MAPK6: variants seen among roughly 807,000 people sequenced by gnomAD.
MAPK6 encodes the protein mitogen-activated protein kinase 6.
MAPK6 carries 19 observed loss-of-function variants against 59.3 expected under a neutral mutation model. The observed-to-expected ratio is 0.32, with a 90% CI of 0.22 to 0.47. The LOEUF is 0.47. Among genes scored for constraint, MAPK6 ranks in the 20% least tolerant of loss-of-function variants. The pLI is 1.00. For synonymous variants in MAPK6, 316 were observed against 290.3 expected, an observed-to-expected ratio of 1.09 and a Z score of -0.90; for missense variants, 724 against 847.9, an observed-to-expected ratio of 0.85 and a Z score of 1.81.
chr15:52,012,947 A>ACTATACTC (rs2030094596), intron 3 of MAPK6, among the ~76,000 whole-genome samples: 1 of 141,920 alleles, frequency 7.0e-6, no homozygotes, highest in Non-Finnish European at 1.5e-5. Context: ...AGATTGTGCC[A>ACTATACTC]CTATACTCCA....
At chr15:52,060,221 C>T (rs564163937) in intron 4 of MAPK6, among the ~76,000 whole-genome samples, 1 of 152,186 alleles carries the variant, frequency 6.6e-6, no homozygotes, top group South Asian at 2.1e-4. Context: ...CCTGGGCAAC[C>T]GCAAAGATGC....
chr15:52,048,595 C>G (rs1268217878), intron 2 of MAPK6, among the ~76,000 whole-genome samples: 1 of 152,086 alleles, frequency 6.6e-6, no homozygotes, highest in Non-Finnish European at 1.5e-5. Flanking sequence ...GCAACAGGAG[C>G]AAAACTCCAT....
intron 5 of MAPK6, among the ~76,000 whole-genome samples, chr15:52,062,988 G>A (rs2032264318): frequency 6.6e-6 from 1 of 152,132 alleles, no homozygotes; most frequent in Non-Finnish European, 1.5e-5. Context: ...CTCCTCAAAT[G>A]TTGATGTATT....
intron 2 of MAPK6, among the ~76,000 whole-genome samples, chr15:51,995,843 G>A (rs928628947): frequency 2.6e-5 from 4 of 151,978 alleles, no homozygotes; most frequent in Non-Finnish European, 5.9e-5. Context: ...CAGGAGAATC[G>A]CTTAAACCCG....
chr15:52,026,031 G>A (rs1358389641), intron 1 of MAPK6, among the ~76,000 whole-genome samples: 1 of 152,154 alleles, frequency 6.6e-6, no homozygotes, highest in African/African-American at 2.4e-5. Context: ...ATACATCTGT[G>A]TTCAATAAAG....
At chr15:52,032,158 G>C (rs1215319112) in intron 1 of MAPK6, among the ~76,000 whole-genome samples, 1 of 150,462 alleles carries the variant, frequency 6.6e-6, no homozygotes, top group East Asian at 2.0e-4. Flanking sequence ...ACAGGCGTGA[G>C]CCACCGTGCC....
intron 3 of MAPK6, among the ~76,000 whole-genome samples, chr15:52,055,518 TG>T (rs1178404513): frequency 3.0e-4 from 45 of 148,358 alleles, no homozygotes; most frequent in African/African-American, 1.2e-3. Context: ...AGGGTTTTTT[TG>T]TTTGTTTGTT....
chr15:52,013,932 C>T (rs1307338260), intron 3 of MAPK6, among the ~76,000 whole-genome samples: 1 of 152,026 alleles, frequency 6.6e-6, no homozygotes, highest in African/African-American at 2.4e-5. Context: ...GTGTAAAATC[C>T]AAAAGTTTTG....
intron 2 of MAPK6, among the ~76,000 whole-genome samples, chr15:52,003,425 G>A (rs1675924653): frequency 6.6e-6 from 1 of 152,108 alleles, no homozygotes; most frequent in Admixed American, 6.6e-5. Flanking sequence ...TCAGATTTGG[G>A]CAACCCAGAA....
chr15:52,029,878 A>C lies in MAPK6; in HGVS notation c.-632+10502A>C, dbSNP rs1318524414. Among the ~76,000 whole-genome samples the C allele has an allele frequency of 2.0e-5, 3 of 152,348 alleles. No homozygotes were observed. The East Asian group carries it at 5.8e-4, about 29-fold the overall frequency. On this transcript the variant is annotated intron_variant, in intron 1 of 5. Coordinates refer to ENST00000261845, the MANE Select transcript of MAPK6 (RefSeq NM_002748.4). Reference sequence around the variant, plus strand: ...TTGCTTTTACTCAGCTACCTTCTTCAGACATTCTTCTCCCAGTAACAAGAA... The same window carrying C: ...TTGCTTTTACTCAGCTACCTTCTTCCGACATTCTTCTCCCAGTAACAAGAA...
At position 52,053,528 on chromosome 15, in the gene MAPK6, A is replaced by T. The variant is rs77001805; in HGVS notation, c.700+3391A>T. On this transcript the variant is annotated intron_variant, in intron 3 of 5. Coordinates refer to ENST00000261845, the MANE Select transcript of MAPK6 (RefSeq NM_002748.4). ...TCTGAATACAAATATTTTGTGATTT[A>T]CATGTATTTTCTCCTATTCTGCAGT... Among the ~76,000 whole-genome samples, 364 of 152,252 alleles carry T rather than the reference A, an allele frequency of 2.4e-3. 3 individuals are homozygous for T. Among genetic ancestry groups the T allele is most frequent in the East Asian group, 7.5e-3 (39 of 5,196 alleles).
chr15:52,019,099 C>A (rs930490493), upstream of MAPK6: 1 of 152,288 alleles, frequency 6.6e-6, no homozygotes, highest in Non-Finnish European at 1.5e-5. Context: ...CGCGCGCAGC[C>A]CAGTCACGGG....
Position 51,995,977 on chromosome 15 carries a change from T to A in MAPK6, c.-769-8288T>A, listed in dbSNP as rs150853570. On this transcript the variant is annotated intron_variant, in intron 2 of 7. Transcript: ENST00000691380. ...AGAAGGAAAAAAACAACTTACAGGC[T>A]TTCTAAATTCCTCTCATCCTCAGCT... Among the ~76,000 whole-genome samples, 14 of 152,176 alleles carry A rather than the reference T, an allele frequency of 9.2e-5. No homozygotes were observed. In the East Asian group the frequency reaches 2.1e-3, roughly 23 times the overall value.
intron 1 of MAPK6, among the ~76,000 whole-genome samples, chr15:52,036,410 G>C (rs951152133): frequency 6.6e-6 from 1 of 152,140 alleles, no homozygotes; most frequent in African/African-American, 2.4e-5. Context: ...TACAGTTCTG[G>C]AGGCTTGGCA....
At chr15:52,006,748 T>C (rs1004897820) in intron 3 of MAPK6, among the ~76,000 whole-genome samples, 5 of 151,942 alleles carry the variant, frequency 3.3e-5, no homozygotes, top group Non-Finnish European at 7.3e-5. Flanking sequence ...GGACCCTTCA[T>C]ATCTACCAGA....
At chr15:52,022,070 T>C (rs1454124284) in intron 1 of MAPK6, among the ~76,000 whole-genome samples, 1 of 152,054 alleles carries the variant, frequency 6.6e-6, no homozygotes, top group East Asian at 1.9e-4. Context: ...ACACCTGTAA[T>C]CCCGGCACTT....
chr15:51,990,273 C>T (rs533668329), intron 2 of MAPK6, among the ~76,000 whole-genome samples: 16 of 152,272 alleles, frequency 1.1e-4, no homozygotes, highest in African/African-American at 3.4e-4. Flanking sequence ...CCTAGATTTT[C>T]GATAATGCCC....
At chr15:52,022,460 C>T (rs908271419) in intron 1 of MAPK6, among the ~76,000 whole-genome samples, 2 of 152,036 alleles carry the variant, frequency 1.3e-5, no homozygotes, top group Non-Finnish European at 2.9e-5. Context: ...TGAATGTTCA[C>T]AGTGTTGCCC....
At chr15:52,016,188 G>T (rs542488539), upstream of MAPK6, among the ~76,000 whole-genome samples, 7 of 146,520 alleles carry the variant, frequency 4.8e-5, no homozygotes, top group Admixed American at 6.8e-5. Context: ...TCAGGAGTTT[G>T]AGACCAGCCT....
Sources: allele counts gnomAD v4.1 joint callset (sites outside exome capture counted in the v4.1 genomes callset), GRCh38; gene constraint gnomAD v4.1.1; transcripts MANE v1.5; gene names NCBI Gene and HGNC (gene_info 2026-07-23, HGNC 2026-07-21).